Variants in EPB41L4A observed in about 807,000 individuals in gnomAD.
EPB41L4A encodes band 4.1-like protein 4A.
A neutral mutation model predicts 108.6 loss-of-function variants in EPB41L4A; 100 were observed. The ratio of observed to expected loss-of-function variants is 0.92; its 90% CI spans 0.78 to 1.09. EPB41L4A has a LOEUF of 1.09. EPB41L4A is among the 50% of genes least tolerant of loss of function. The pLI is 0.00. For missense variants in EPB41L4A, 1,030 were observed against 842.7 expected, an observed-to-expected ratio of 1.22 and a Z score of -2.75; for synonymous variants, 319 against 289.0, an observed-to-expected ratio of 1.10 and a Z score of -1.05.
intron 1 of EPB41L4A, among the ~76,000 whole-genome samples, chr5:112,332,088 A>T (rs2150668119): frequency 6.6e-6 from 1 of 152,360 alleles, no homozygotes; most frequent in East Asian, 1.9e-4. Flanking sequence ...CCAAGAAGGA[A>T]AGCAAAGGTT....
chr5:112,403,044 GA>G (rs1031865899), intron 1 of EPB41L4A, among the ~76,000 whole-genome samples: 5 of 144,816 alleles, frequency 3.5e-5, no homozygotes, highest in South Asian at 2.2e-4. Flanking sequence ...TTTTAAGTTG[GA>G]AAAAAAAAAC....
At chr5:112,319,151 C>T (rs1168871884) in intron 1 of EPB41L4A, among the ~76,000 whole-genome samples, 1 of 152,042 alleles carries the variant, frequency 6.6e-6, no homozygotes, top group Non-Finnish European at 1.5e-5. Flanking sequence ...CTTACTGCAC[C>T]AAAAATGGAA....
At chr5:112,357,789 G>A (rs1194812829) in intron 1 of EPB41L4A, among the ~76,000 whole-genome samples, 1 of 152,198 alleles carries the variant, frequency 6.6e-6, no homozygotes, top group East Asian at 1.9e-4. Flanking sequence ...TAGGAACAGA[G>A]CATACAAGAA....
At chr5:112,217,066 T>A (rs887194221) in intron 12 of EPB41L4A, among the ~76,000 whole-genome samples, 1 of 151,768 alleles carries the variant, frequency 6.6e-6, no homozygotes, top group African/African-American at 2.4e-5. Flanking sequence ...CATCTCAGCC[T>A]CCCGAGTAGC....
chr5:112,389,133 A>G (rs773281029), intron 1 of EPB41L4A, among the ~76,000 whole-genome samples: 1 of 152,230 alleles, frequency 6.6e-6, no homozygotes, highest in Non-Finnish European at 1.5e-5. Context: ...AAACAAACAC[A>G]TGATCATTTA....
At chr5:112,392,613 A>C (rs1284653993) in intron 1 of EPB41L4A, 2 of 152,138 alleles carry the variant, frequency 1.3e-5, no homozygotes, top group Non-Finnish European at 2.9e-5. Context: ...ACCTATAAAG[A>C]GACTTAGACT....
At chr5:112,194,455 T>C (rs1761860503) in intron 17 of EPB41L4A, 113 bp downstream of exon 17, 1 of 590,796 alleles carries the variant, frequency 1.7e-6, no homozygotes, top group Non-Finnish European at 2.9e-6. Context: ...TAGTGCCAGA[T>C]TGCTTCTCAG....
downstream of EPB41L4A, among the ~76,000 whole-genome samples, chr5:112,159,369 G>A (rs1267684817): frequency 1.3e-5 from 2 of 152,176 alleles, no homozygotes; most frequent in East Asian, 3.8e-4. Flanking sequence ...GAGAAACATG[G>A]AGACCTAGTT....
intron 12 of EPB41L4A, among the ~76,000 whole-genome samples, chr5:112,223,613 TA>T (rs1381684227): frequency 3.9e-5 from 6 of 152,114 alleles, no homozygotes; most frequent in Non-Finnish European, 2.9e-5. Context: ...AATGCATTAG[TA>T]AAATCAAGAA....
At chr5:112,261,099 A>G (rs1030209948) in intron 7 of EPB41L4A, among the ~76,000 whole-genome samples, 1 of 152,238 alleles carries the variant, frequency 6.6e-6, no homozygotes, top group African/African-American at 2.4e-5. Context: ...AAGGGAGGGA[A>G]GGTAAAACGA....
At chr5:112,181,936 T>C (rs530062150) in intron 18 of EPB41L4A, among the ~76,000 whole-genome samples, 130 of 151,654 alleles carry the variant, frequency 8.6e-4, no homozygotes, top group African/African-American at 3.1e-3. Flanking sequence ...AGTTGGGTGT[T>C]ATGGCAGGTG....
In EPB41L4A at chr5:112,380,198, C is replaced by T. The variant is rs1004009495; in HGVS notation, c.99+38743G>A. 9.2e-5 allele frequency among the ~76,000 whole-genome samples: 14 copies of T among 152,088 alleles called. No individual in the cohort carries two copies. The East Asian group carries it at 1.2e-3, about 13-fold the overall frequency. On this transcript the variant is annotated intron_variant, in intron 1 of 22. Transcript: ENST00000261486. ...AGGTCTGACACCAAATGAAGAAACT[C>T]GTGCTACCAAATCCTGAGAAAAACT...
intron 22 of EPB41L4A, among the ~76,000 whole-genome samples, chr5:112,167,085 A>G (rs1429213868): frequency 6.8e-6 from 1 of 148,114 alleles, no homozygotes; most frequent in African/African-American, 2.5e-5. Flanking sequence ...GTGGAAATAA[A>G]AATTACTACT....
chr5:112,146,179 T>C (rs1438020722), intron 12 of EPB41L4A, among the ~76,000 whole-genome samples: 2 of 152,194 alleles, frequency 1.3e-5, no homozygotes, highest in African/African-American at 4.8e-5. Flanking sequence ...TTTTTAGAAA[T>C]GTCAAGCATC....
intron 11 of EPB41L4A, among the ~76,000 whole-genome samples, chr5:112,235,341 G>C (rs1749253600): frequency 6.6e-6 from 1 of 152,300 alleles, no homozygotes; most frequent in South Asian, 2.1e-4. Flanking sequence ...GGTTTCCCTG[G>C]GGCTGGGCCA....
intron 17 of EPB41L4A, among the ~76,000 whole-genome samples, chr5:112,185,075 C>A (rs546074930): frequency 6.9e-6 from 1 of 145,228 alleles, no homozygotes; most frequent in African/African-American, 2.6e-5. Flanking sequence ...GAATGCACCA[C>A]AATGATGCTG....
intron 1 of EPB41L4A, among the ~76,000 whole-genome samples, chr5:112,346,946 C>G (rs551403869): frequency 6.6e-6 from 1 of 152,308 alleles, no homozygotes; most frequent in Admixed American, 6.5e-5. Flanking sequence ...GGAGAAGGAT[C>G]TGGGAGTAGG....
At chr5:112,179,844 AAGAC>A (rs1177904931) in intron 18 of EPB41L4A, among the ~76,000 whole-genome samples, 2 of 152,158 alleles carry the variant, frequency 1.3e-5, no homozygotes, top group African/African-American at 4.8e-5. Context: ...ACAGAAATAA[AAGAC>A]AGAAAGACTA....
chr5:112,267,410 C>T (rs1751940527), intron 4 of EPB41L4A, among the ~76,000 whole-genome samples: 2 of 152,200 alleles, frequency 1.3e-5, no homozygotes, highest in Admixed American at 1.3e-4. Flanking sequence ...AGATATCAGA[C>T]ACCACATTGA....
Sources: gnomAD v4.1 joint callset for allele counts (sites outside exome capture counted in the v4.1 genomes callset) on GRCh38, gnomAD v4.1.1 for gene constraint, MANE v1.5 for transcripts, NCBI Gene and HGNC (gene_info 2026-07-23, HGNC 2026-07-21) for gene names.